The following CAMK2A variants were observed in gnomAD, a reference collection of about 807,000 sequenced individuals.
CAMK2A encodes calcium/calmodulin-dependent protein kinase type II subunit alpha.
In CAMK2A, 7 loss-of-function variants were observed where a neutral mutation model predicts 79.2. The ratio of observed to expected loss-of-function variants is 0.09; its 90% CI spans 0.05 to 0.17. The LOEUF (loss-of-function observed/expected upper bound fraction) is 0.17. Among genes scored for constraint, CAMK2A ranks in the 10% least tolerant of loss-of-function variants. The pLI is 1.00. For synonymous variants in CAMK2A, 242 were observed against 251.7 expected, an observed-to-expected ratio of 0.96 and a Z score of 0.36; for missense variants, 214 against 646.4, an observed-to-expected ratio of 0.33 and a Z score of 7.25.
At chr5:150,247,949 G>A in intron 11 of CAMK2A, 135 bp from the exon 12 acceptor site, 1 of 710,582 alleles carries the variant, frequency 1.4e-6, no homozygotes, top group African/African-American at 1.8e-5. Flanking sequence ...CCTCTGCCCT[G>A]CCCCTCCATT....
chr5:150,256,921 C>A lies in CAMK2A; in HGVS notation c.273-90G>T. 1 of 1,097,982 alleles carries A rather than the reference C, an allele frequency of 9.1e-7. No homozygotes were observed. Among genetic ancestry groups the A allele is most frequent in the East Asian group, 2.6e-5 (1 of 39,042 alleles). 68.0% of individuals were successfully genotyped at this position (1,097,982 alleles called of 1,614,324 possible). ...TCTCCAGGAAACTAAGGATGGGGCC[C>A]AGGGACCTCAGGACCTCAGCCACAA... On this transcript the variant is annotated intron_variant, in intron 4 of 18. Coordinates refer to ENST00000671881, the MANE Select transcript of CAMK2A (RefSeq NM_015981.4). The surrounding 1 kb of genome is among the most constrained non-coding windows in gnomAD (Gnocchi z 4.6).
chr5:150,245,800 T>G (rs1755543226), intron 12 of CAMK2A, among the ~76,000 whole-genome samples: 1 of 152,130 alleles, frequency 6.6e-6, no homozygotes, highest in African/African-American at 2.4e-5. Context: ...CAGAGCCCCA[T>G]ATTGGCACTG....
At position 150,256,156 on chromosome 5, in the gene CAMK2A, C is replaced by A. The variant is rs1043926445; in HGVS notation, c.411+417G>T. Among the ~76,000 whole-genome samples the A allele has an allele frequency of 2.6e-5, 4 of 152,334 alleles. No individual in the cohort carries two copies. In the South Asian group the frequency reaches 8.3e-4, roughly 32 times the overall value. ...CGTGCTATCTCATTTCATATCCTCA[C>A]CAACCCTTTGCAGAGGTTGCTATGG... On this transcript the variant is annotated intron_variant, in intron 6 of 18. Coordinates refer to ENST00000671881, the MANE Select transcript of CAMK2A (RefSeq NM_015981.4). This position sits in a 1 kb window ranked among gnomAD's most constrained non-coding sequence, Gnocchi z 4.6.
intron 1 of CAMK2A, among the ~76,000 whole-genome samples, chr5:150,287,086 A>C (rs1181648136): frequency 6.6e-6 from 1 of 152,156 alleles, no homozygotes; most frequent in African/African-American, 2.4e-5. Context: ...CCCTCCCTGC[A>C]CCACTGGATG....
chr5:150,252,152 T>G, intron 7 of CAMK2A, 87 bp from the exon 8 acceptor site: 1 of 1,029,854 alleles, frequency 9.7e-7, no homozygotes. Flanking sequence ...GAAGAGGGGA[T>G]GAGGATTGCT....
chr5:150,270,139 G>A (rs1236123385), intron 2 of CAMK2A, among the ~76,000 whole-genome samples: 1 of 152,230 alleles, frequency 6.6e-6, no homozygotes, highest in Non-Finnish European at 1.5e-5. Context: ...CACCTGATGG[G>A]GGTTAACACT....
chr5:150,245,109 T>C, intron 13 of CAMK2A, 52 bp downstream of exon 13: 1 of 1,585,620 alleles, frequency 6.3e-7, no homozygotes, highest in Non-Finnish European at 8.7e-7. Flanking sequence ...CGGTCTCTGT[T>C]GGCAGAAACG....
rs1032140083 is a variant in CAMK2A at position 150,219,701 on chromosome 5, G to A, written c.*3009C>T. ...ATAGTAACAAAGAAACCAGCACGGG[G>A]AGTCTGGCAAACTCATCCCCCAAAA... On this transcript the variant is annotated 3_prime_UTR_variant, in exon 19 of 19. Transcript: ENST00000671881. 1 of 151,778 alleles carries A rather than the reference G, an allele frequency of 6.6e-6. No homozygotes were observed. The allele number at this position is 151,778 out of a possible 1,614,324, so 9.4% of individuals were successfully genotyped here.
rs1290280515 is a variant in CAMK2A, at chr5:150,219,870, T to TTTATTTA, written c.*2839_*2840insTAAATAA. The stretch of plus-strand genomic sequence containing the variant: ...TTGGGTTTGGATTTTTATTTATTTA[T>TTTATTTA]TTATTATTATTATTATTATTATTTT... On this transcript the variant is annotated 3_prime_UTR_variant, in exon 19 of 19. Coordinates refer to ENST00000671881, the MANE Select transcript of CAMK2A (RefSeq NM_015981.4). 1 of 138,802 alleles carries TTTATTTA rather than the reference T, an allele frequency of 7.2e-6. No individual in the cohort carries two copies. The highest frequency in any genetic ancestry group is 2.2e-4 in the South Asian group (1 of 4,516). 8.6% of individuals were successfully genotyped at this position (138,802 alleles called of 1,614,324 possible). A position where few individuals can be genotyped will look rare whatever the true frequency, so the allele number is the denominator to read the frequency against.
intron 1 of CAMK2A, among the ~76,000 whole-genome samples, chr5:150,281,721 G>T (rs1757224651): frequency 6.6e-6 from 1 of 152,196 alleles, no homozygotes; most frequent in Non-Finnish European, 1.5e-5. Flanking sequence ...TGTGCATTTT[G>T]GAAGGGGGAG....
chr5:150,256,868 G>A lies in CAMK2A; in HGVS notation c.273-37C>T, dbSNP rs766126247. On this transcript the variant is annotated intron_variant, in intron 4 of 18. Transcript: ENST00000671881. This position sits in a 1 kb window ranked among gnomAD's most constrained non-coding sequence, Gnocchi z 4.6. ...GGCATGGAATCACCCTCTAATAGAG[G>A]CGACAGGTGCTGCCTCATCTGGAGG... is the stretch of plus-strand genomic sequence containing the variant. 53 of 1,564,756 alleles carry A rather than the reference G, an allele frequency of 3.4e-5. No homozygotes were observed. Among genetic ancestry groups the A allele is most frequent in the Non-Finnish European group, 4.5e-5 (51 of 1,139,720 alleles).
chr5:150,238,988 T>G (rs1238017244), intron 14 of CAMK2A, among the ~76,000 whole-genome samples: 1 of 152,090 alleles, frequency 6.6e-6, no homozygotes, highest in Admixed American at 6.5e-5. Context: ...CTGGCCTTTC[T>G]GGAAGGACTG....
At chr5:150,277,128 C>G (rs2150305318) in intron 1 of CAMK2A, among the ~76,000 whole-genome samples, 1 of 152,260 alleles carries the variant, frequency 6.6e-6, no homozygotes, top group Non-Finnish European at 1.5e-5. Flanking sequence ...GTATGAGGAT[C>G]ACTTAAGTGC....
At chr5:150,275,300 G>A (rs775878715) in intron 1 of CAMK2A, among the ~76,000 whole-genome samples, 4 of 152,074 alleles carry the variant, frequency 2.6e-5, no homozygotes, top group African/African-American at 4.8e-5. Context: ...CCCCTCTTCC[G>A]TGCTTCCAGA....
intron 1 of CAMK2A, among the ~76,000 whole-genome samples, chr5:150,282,865 G>A (rs1757272615): frequency 6.6e-6 from 1 of 152,274 alleles, no homozygotes; most frequent in Non-Finnish European, 1.5e-5. Flanking sequence ...TGCTGCCAGA[G>A]CACTAGCTCC....
At chr5:150,230,317 C>CAAAA (rs1216883745) in intron 16 of CAMK2A, among the ~76,000 whole-genome samples, 10 of 60,598 alleles carry the variant, frequency 1.7e-4, no homozygotes, top group African/African-American at 2.0e-4. Context: ...GACTCCGTCT[C>CAAAA]AAAAAAAAAA....
rs559641377 is a variant in CAMK2A at position 150,273,451 on chromosome 5, A to G, written c.63-292T>C. Among the ~76,000 whole-genome samples, 4 of 152,346 alleles carry G rather than the reference A, an allele frequency of 2.6e-5. No homozygotes were observed. In the East Asian group the frequency reaches 7.7e-4, roughly 29 times the overall value. The stretch of plus-strand genomic sequence containing the variant: ...AAACATTAGAATCACGTAGTGTTAG[A>G]ACCGTGGAATCCAGGTCTCTGAACA... On this transcript the variant is annotated intron_variant, in intron 1 of 18. Transcript: ENST00000671881.
At chr5:150,267,999 G>A (rs112174372) in intron 2 of CAMK2A, among the ~76,000 whole-genome samples, 7,375 of 151,076 alleles carry the variant, frequency 0.049, 370 homozygotes, top group African/African-American at 0.12. Context: ...TCAGCCTCCC[G>A]AGTAGCTGGG....
chr5:150,281,186 A>C (rs1253628518), intron 1 of CAMK2A, among the ~76,000 whole-genome samples: 1 of 152,240 alleles, frequency 6.6e-6, no homozygotes, highest in Non-Finnish European at 1.5e-5. Flanking sequence ...TCTCTTCCCC[A>C]AAATTTCCCC....
Sources: allele counts gnomAD v4.1 joint callset (sites outside exome capture counted in the v4.1 genomes callset), GRCh38; gene constraint gnomAD v4.1.1; non-coding constraint Gnocchi (gnomAD v3.1); transcripts MANE v1.5; gene names NCBI Gene and HGNC (gene_info 2026-07-23, HGNC 2026-07-21).